The following CPXM2 variants were observed in gnomAD, a reference collection of about 807,000 sequenced individuals.
The protein encoded by CPXM2 is carboxypeptidase X, M14 family member 2, also known as inactive carboxypeptidase-like protein X2.
CPXM2 carries 66 observed loss-of-function variants against 86.1 expected under a neutral mutation model. The observed-to-expected ratio is 0.77, with a 90% confidence interval of 0.63 to 0.94. The LOEUF is 0.94. CPXM2 is among the 40% of genes least tolerant of loss of function. The pLI is 0.00. For missense variants in CPXM2, 948 were observed against 1,026.3 expected (o/e 0.92, Z 1.04); for synonymous variants, 388 against 400.2 (o/e 0.97, Z 0.36).
At chr10:123,778,914 A>G (rs1286068412) in intron 7 of CPXM2, among the ~76,000 whole-genome samples, 3 of 152,232 alleles carry the variant, frequency 2.0e-5, no homozygotes, top group Admixed American at 1.3e-4. Flanking sequence ...TTCTTAGCAC[A>G]TCCCACCTCT....
chr10:123,880,903 C>T (rs1032760262), intron 1 of CPXM2, among the ~76,000 whole-genome samples: 7 of 148,740 alleles, frequency 4.7e-5, no homozygotes, highest in Non-Finnish European at 8.9e-5. Flanking sequence ...GGCCCAGAGA[C>T]ATCATTTGTA....
At chr10:123,828,730 T>C (rs1185548575) in intron 4 of CPXM2, among the ~76,000 whole-genome samples, 1 of 152,184 alleles carries the variant, frequency 6.6e-6, no homozygotes, top group African/African-American at 2.4e-5. Context: ...TCAAAATGGA[T>C]AATAGCATTA....
In CPXM2 at chr10:123,901,006, T is replaced by G. The variant is rs373862657; in HGVS notation, n.175-20697A>C. On this transcript the variant is annotated intron_variant and non_coding_transcript_variant, in intron 2 of 19. Coordinates refer to the CPXM2 transcript ENST00000368854. Reference sequence around the variant, plus strand: ...ATTAACATTTTATTCTTTTATAATTTTCTGATTGCTTTTAGGAAGAGACAT... The same window carrying G: ...ATTAACATTTTATTCTTTTATAATTGTCTGATTGCTTTTAGGAAGAGACAT... Among the ~76,000 whole-genome samples, 6 of 152,364 alleles carry G rather than the reference T, an allele frequency of 3.9e-5. No individual in the cohort carries two copies. The East Asian group carries it at 1.2e-3, about 29-fold the overall frequency.
intron 3 of CPXM2, among the ~76,000 whole-genome samples, chr10:123,854,423 A>AAT (rs1289418705): frequency 1.6e-5 from 2 of 124,284 alleles, no homozygotes; most frequent in African/African-American, 3.2e-5. Context: ...TAAAATATAT[A>AAT]ATATATATAT....
At chr10:123,768,458 C>T (rs112482384) in intron 9 of CPXM2, 68 bp downstream of exon 9, 1 of 1,286,914 alleles carries the variant, frequency 7.8e-7, no homozygotes, top group East Asian at 2.5e-5. Flanking sequence ...GCCCTAGGGC[C>T]AGACATACTC....
intron 2 of CPXM2, among the ~76,000 whole-genome samples, chr10:123,877,689 C>A (rs1043085255): frequency 6.6e-6 from 1 of 152,184 alleles, no homozygotes; most frequent in African/African-American, 2.4e-5. Flanking sequence ...AAGAGTTACA[C>A]AGCAAAGGGT....
chr10:123,930,737 A>C (rs1945660747), intron 2 of CPXM2, among the ~76,000 whole-genome samples: 1 of 152,244 alleles, frequency 6.6e-6, no homozygotes, highest in Non-Finnish European at 1.5e-5. Context: ...AAAGATATCC[A>C]GTGAGTCGAT....
Position 123,871,314 on chromosome 10 carries a change from T to C in CPXM2, c.404-8591A>G, listed in dbSNP as rs911109345. Among the ~76,000 whole-genome samples, 12 of 152,226 alleles carry C rather than the reference T, an allele frequency of 7.9e-5. No homozygotes were observed. The East Asian group carries it at 2.3e-3, about 29-fold the overall frequency. On this transcript the variant is annotated intron_variant, in intron 2 of 13. Transcript: ENST00000241305. ...CAATGACAAGTTTTCATCCTCGAAT[T>C]TCCAATGCCCAACCAATGTTCCCAA...
At chr10:123,756,546 G>A (rs1443692383) in intron 12 of CPXM2, among the ~76,000 whole-genome samples, 2 of 152,170 alleles carry the variant, frequency 1.3e-5, no homozygotes, top group Non-Finnish European at 2.9e-5. Flanking sequence ...GAAGGCCTGG[G>A]AGGGTGTTAG....
chr10:123,928,161 T>C (rs1945639813), intron 2 of CPXM2, among the ~76,000 whole-genome samples: 1 of 152,140 alleles, frequency 6.6e-6, no homozygotes, highest in African/African-American at 2.4e-5. Context: ...GGAAACTGGT[T>C]TCTTGAGTGC....
At chr10:123,825,611 T>C (rs1460949027) in intron 4 of CPXM2, among the ~76,000 whole-genome samples, 3 of 152,214 alleles carry the variant, frequency 2.0e-5, no homozygotes, top group African/African-American at 7.2e-5. Flanking sequence ...CACCTTGCCT[T>C]CCACTGATGA....
intron 6 of CPXM2, among the ~76,000 whole-genome samples, chr10:123,797,047 G>C (rs1028921497): frequency 2.6e-5 from 4 of 152,378 alleles, no homozygotes; most frequent in African/African-American, 9.6e-5. Context: ...GAAAGGCTGA[G>C]ACAGAGCAGC....
intron 2 of CPXM2, among the ~76,000 whole-genome samples, chr10:123,935,569 T>C (rs1383768334): frequency 6.6e-6 from 1 of 152,218 alleles, no homozygotes; most frequent in Non-Finnish European, 1.5e-5. Flanking sequence ...CACCTTATGT[T>C]CTACCTGCTC....
At chr10:123,838,699 G>A (rs147194608) in intron 4 of CPXM2, among the ~76,000 whole-genome samples, 269 of 152,232 alleles carry the variant, frequency 1.8e-3, no homozygotes, top group African/African-American at 6.1e-3. Context: ...CGCTCTGCAC[G>A]CTTAACTAGA....
chr10:123,906,821 G>T (rs1273789832), intron 2 of CPXM2, among the ~76,000 whole-genome samples: 3 of 152,162 alleles, frequency 2.0e-5, no homozygotes, highest in Non-Finnish European at 2.9e-5. Flanking sequence ...CAAGGACCAG[G>T]ATGGAAAGCA....
chr10:123,806,773 A>G (rs1847588216), intron 4 of CPXM2, among the ~76,000 whole-genome samples: 1 of 152,126 alleles, frequency 6.6e-6, no homozygotes, highest in Non-Finnish European at 1.5e-5. Flanking sequence ...AGAAACTGCC[A>G]CTTATGAAAC....
chr10:123,842,843 C>A (rs1172877427), intron 3 of CPXM2, among the ~76,000 whole-genome samples: 1 of 152,220 alleles, frequency 6.6e-6, no homozygotes, highest in African/African-American at 2.4e-5. Context: ...CGTTCCCTCC[C>A]AGAACCTCGC....
At chr10:123,788,131 A>G (rs1176369039) in intron 6 of CPXM2, among the ~76,000 whole-genome samples, 1 of 151,734 alleles carries the variant, frequency 6.6e-6, no homozygotes, top group East Asian at 1.9e-4. Flanking sequence ...AAATACAAAA[A>G]TTAGCTGGGA....
intron 3 of CPXM2, among the ~76,000 whole-genome samples, chr10:123,856,909 G>A (rs537810097): frequency 1.3e-5 from 2 of 152,262 alleles, no homozygotes; most frequent in East Asian, 1.9e-4. Flanking sequence ...TGATTTTAGA[G>A]GTCATTGTCA....
Sources: allele counts gnomAD v4.1 joint callset (sites outside exome capture counted in the v4.1 genomes callset), GRCh38; gene constraint gnomAD v4.1.1; transcripts MANE v1.5; gene names NCBI Gene and HGNC (gene_info 2026-07-23, HGNC 2026-07-21).